The following ANXA6 variants were observed in gnomAD, a reference collection of about 807,000 sequenced individuals.
ANXA6 encodes the protein 67 kDa calelectrin.
ANXA6 carries 71 observed loss-of-function variants against 95.4 expected under a neutral mutation model. That is an observed-to-expected ratio of 0.74 (90% CI 0.61 to 0.91). ANXA6 has a LOEUF of 0.91. Ranked by LOEUF, ANXA6 falls within the 40% of genes least tolerant of loss-of-function variation. The pLI is 0.00. For missense variants in ANXA6, 830 were observed against 876.4 expected, an observed-to-expected ratio of 0.95 and a Z score of 0.67; for synonymous variants, 289 against 315.9, an observed-to-expected ratio of 0.91 and a Z score of 0.90.
At chr5:151,148,841 A>G (rs1766034285) in intron 1 of ANXA6, among the ~76,000 whole-genome samples, 1 of 151,872 alleles carries the variant, frequency 6.6e-6, no homozygotes, top group Non-Finnish European at 1.5e-5. Context: ...GTGTGGTAGG[A>G]TGTAGGATCT....
intron 5 of ANXA6, among the ~76,000 whole-genome samples, 191 bp from the exon 6 acceptor site, chr5:151,137,512 C>T (rs1470979799): frequency 2.6e-5 from 4 of 152,088 alleles, no homozygotes; most frequent in African/African-American, 9.7e-5. Flanking sequence ...GATGTGTTTC[C>T]CCACCAAATC....
chr5:151,110,595 G>A (rs773956564), intron 21 of ANXA6, 32 bp downstream of exon 21: 13 of 1,611,646 alleles, frequency 8.1e-6, no homozygotes, highest in Middle Eastern at 3.3e-4. Flanking sequence ...CTCAGAGGCC[G>A]TTAAAACCCA....
chr5:151,128,558 C>A (rs1284458866), intron 12 of ANXA6, among the ~76,000 whole-genome samples: 2 of 152,166 alleles, frequency 1.3e-5, no homozygotes, highest in African/African-American at 4.8e-5. Context: ...AGCCAGTGCC[C>A]CAGCACAGCA....
At chr5:151,121,562 G>A (rs562076717) in intron 17 of ANXA6, among the ~76,000 whole-genome samples, 1 of 152,290 alleles carries the variant, frequency 6.6e-6, no homozygotes, top group South Asian at 2.1e-4. Context: ...GAAGGGCAGA[G>A]GTGACCATTT....
intron 7 of ANXA6, 141 bp downstream of exon 7, chr5:151,136,115 G>A: frequency 1.4e-6 from 1 of 699,706 alleles, no homozygotes; most frequent in Non-Finnish European, 2.4e-6. Context: ...GTGTGCCAAA[G>A]AGAAAGAGGA....
At chr5:151,149,179 CAAAAAAAAAAA>C (rs36120948) in intron 1 of ANXA6, among the ~76,000 whole-genome samples, 2 of 47,296 alleles carry the variant, frequency 4.2e-5, no homozygotes, top group African/African-American at 1.8e-4. Flanking sequence ...AGCCCTGTCT[CAAAAAAAAAAA>C]AAAAAAAAAA....
chr5:151,156,852 A>C (rs1766249464), intron 1 of ANXA6, among the ~76,000 whole-genome samples: 1 of 152,190 alleles, frequency 6.6e-6, no homozygotes, highest in South Asian at 2.1e-4. Context: ...TTCCTTTGAA[A>C]GAGACTGGGT....
chr5:151,128,096 C>A, intron 13 of ANXA6, 85 bp downstream of exon 13: 1 of 1,187,886 alleles, frequency 8.4e-7, no homozygotes, highest in Non-Finnish European at 1.2e-6. Flanking sequence ...CTCATCCAAT[C>A]CACCCATCAG....
intron 14 of ANXA6, 85 bp from the exon 15 acceptor site, chr5:151,124,452 C>T (rs1765258728): frequency 7.2e-7 from 1 of 1,389,742 alleles, no homozygotes; most frequent in Non-Finnish European, 1.0e-6. Flanking sequence ...GGGTGGGAAG[C>T]TCACCCCATG....
In ANXA6 at chr5:151,152,417, C is replaced by T. The variant is rs1391396926; in HGVS notation, c.-25-4491G>A. Among the ~76,000 whole-genome samples, 4 of 152,166 alleles carry T rather than the reference C, an allele frequency of 2.6e-5. No individual in the cohort carries two copies. In the East Asian group the frequency reaches 5.8e-4, roughly 22 times the overall value. On this transcript the variant is annotated intron_variant, in intron 1 of 25. Transcript: ENST00000354546. ...GTTCAAATCCTGACCATGCAAATTC[C>T]GAGCTCAGTAACTTGGGCAAGTTAT...
intron 25 of ANXA6, among the ~76,000 whole-genome samples, chr5:151,103,037 C>T (rs1764591470): frequency 6.6e-6 from 1 of 152,148 alleles, no homozygotes; most frequent in East Asian, 1.9e-4. Context: ...TGCTCTGTTG[C>T]CCAGGCTGGA....
chr5:151,156,691 G>A (rs1766245931), intron 1 of ANXA6, among the ~76,000 whole-genome samples: 1 of 151,974 alleles, frequency 6.6e-6, no homozygotes, highest in Non-Finnish European at 1.5e-5. Flanking sequence ...AGGAAGCCGT[G>A]GCCAGATTAG....
At position 151,134,467 on chromosome 5, in the gene ANXA6, T is replaced by C; in HGVS notation, c.506A>G (p.Asp169Gly). The C allele has an allele frequency of 6.2e-7, 1 of 1,614,008 alleles. No individual in the cohort carries two copies. The highest frequency in any genetic ancestry group is 8.5e-7 in the Non-Finnish European group (1 of 1,179,898). The change falls in exon 8 of 26, where the codon GAT becomes GGT. Residue 169 changes from aspartate to glycine, a missense_variant. Physicochemically the swap from Asp to Gly is moderately conservative, Grantham distance 94. Coordinates refer to ENST00000354546, the MANE Select transcript of ANXA6 (RefSeq NM_001155.5). ...TACCAGGTCCTCGCTCACTACGTCA[T>C]CCTCCTCCCTGGTTCCCTGGGCAGA... The part of the protein sequence containing the change: ...VVLLQGTREE[D>G]DVVSEDLVQQ...
intron 1 of ANXA6, among the ~76,000 whole-genome samples, chr5:151,149,843 G>A (rs946828326): frequency 6.6e-6 from 1 of 152,116 alleles, no homozygotes; most frequent in Non-Finnish European, 1.5e-5. Context: ...CAGAGGCCAG[G>A]AGCAGTGGCT....
chr5:151,102,981 T>C (rs762589990), intron 25 of ANXA6, among the ~76,000 whole-genome samples: 1 of 152,116 alleles, frequency 6.6e-6, no homozygotes, highest in African/African-American at 2.4e-5. Context: ...TTTTATGATA[T>C]GTAAGTTTTT....
intron 7 of ANXA6, 61 bp downstream of exon 7, chr5:151,136,195 C>G (rs1022858355): frequency 3.3e-6 from 5 of 1,534,520 alleles, no homozygotes; most frequent in Non-Finnish European, 4.5e-6. Context: ...GATCTACACC[C>G]AGATGAGCCA....
chr5:151,140,928 C>T (rs1765818281), intron 2 of ANXA6, among the ~76,000 whole-genome samples: 2 of 152,222 alleles, frequency 1.3e-5, no homozygotes, highest in Admixed American at 1.3e-4. Context: ...CTCCAGGAAC[C>T]TTGCAGGTGC....
At chr5:151,105,920 T>C (rs111636099) in intron 23 of ANXA6, among the ~76,000 whole-genome samples, 13 of 152,300 alleles carry the variant, frequency 8.5e-5, no homozygotes, top group Non-Finnish European at 1.6e-4. Context: ...TCACTTTCAA[T>C]GGCAAAACTG....
Position 151,124,342 on chromosome 5 carries a change from T to C in ANXA6, c.1082A>G (p.Asn361Ser), listed in dbSNP as rs745715789. 8 of 1,612,836 alleles carry C rather than the reference T, an allele frequency of 5.0e-6. No homozygotes were observed. The highest frequency in any genetic ancestry group is 1.3e-5 in the African/African-American group (1 of 75,022). Residue 361 changes from asparagine (N) to serine (S), a missense_variant, in exon 15 of 26, where the codon AAT (asparagine) becomes AGT (serine). Coordinates refer to ENST00000354546, the MANE Select transcript of ANXA6 (RefSeq NM_001155.5). ...VELKGTVRPA[N>S]DFNPDADAKA... ...GGCATCTGCGTCAGGGTTGAAGTCA[T>C]TGGCTGGGCGCACAGTTCCCTTCAG...
Sources: allele counts gnomAD v4.1 joint callset (sites outside exome capture counted in the v4.1 genomes callset), GRCh38; gene constraint gnomAD v4.1.1; transcripts MANE v1.5; gene names NCBI Gene and HGNC (gene_info 2026-07-23, HGNC 2026-07-21).